The following COL4A4 variants were observed in gnomAD, a reference collection of about 807,000 sequenced individuals.
COL4A4 encodes the protein collagen alpha-4(IV) chain.
Under a neutral mutation model 192.9 loss-of-function variants are expected in COL4A4, and 105 were observed. The observed-to-expected ratio is 0.54, with a 90% confidence interval of 0.46 to 0.64. The LOEUF (loss-of-function observed/expected upper bound fraction) is 0.64. Among genes scored for constraint, COL4A4 ranks in the 30% least tolerant of loss-of-function variants. COL4A4 has a pLI of 0.00. For synonymous variants in COL4A4, 762 were observed against 769.9 expected (o/e 0.99, Z 0.17); for missense variants, 1,967 against 2,169.3 (o/e 0.91, Z 1.85).
chr2:227,016,077 C>T (rs996013801), intron 44 of COL4A4, among the ~76,000 whole-genome samples: 2 of 152,094 alleles, frequency 1.3e-5, no homozygotes, highest in Non-Finnish European at 2.9e-5. Context: ...CCACCCCACC[C>T]CTCACCCCAG....
chr2:227,013,872 C>G (rs1023952950), intron 44 of COL4A4, among the ~76,000 whole-genome samples: 9 of 152,206 alleles, frequency 5.9e-5, no homozygotes, highest in Non-Finnish European at 1.0e-4. Flanking sequence ...CTCCCTCCCC[C>G]ACCCTACTGA....
At chr2:227,146,031 G>A (rs1184765576) in intron 2 of COL4A4, among the ~76,000 whole-genome samples, 1 of 152,206 alleles carries the variant, frequency 6.6e-6, no homozygotes, top group Non-Finnish European at 1.5e-5. Context: ...AATAGGATAT[G>A]TTGCATTTTA....
rs985035441 is a variant in COL4A4 at position 227,030,585 on chromosome 2, A to T, written c.3831T>A (p.Pro1277=). Residue 1277 remains proline (P), a synonymous_variant, in exon 41 of 48, where the codon CCT becomes CCA. Coordinates refer to ENST00000396625, the MANE Select transcript of COL4A4 (RefSeq NM_000092.5). ...GGTCAACACTCCCAGGGAGGCCTGG[A>T]GGCCCAGGTGCTCCTGACCACAGAG... is the stretch of plus-strand genomic sequence containing the variant. The part of the protein sequence containing the change: ...GPDGPRGAPG[P]PGLPGSVDLL... The T allele has an allele frequency of 4.4e-6, 7 of 1,608,116 alleles. No homozygotes were observed. The highest frequency in any genetic ancestry group is 3.4e-5 in the Admixed American group (2 of 58,578).
At position 227,147,599 on chromosome 2, in the gene COL4A4, T is replaced by C. The variant is rs2063632112; in HGVS notation, c.-101-15A>G. The C allele has an allele frequency of 8.4e-6, 7 of 831,688 alleles. No individual in the cohort carries two copies. Among genetic ancestry groups the C allele is most frequent in the South Asian group, 6.7e-5 (5 of 74,802 alleles). 51.5% of individuals were successfully genotyped at this position (831,688 alleles called of 1,614,324 possible). A position where few individuals can be genotyped will look rare whatever the true frequency, so the allele number is the denominator to read the frequency against. ...AAAGTCTGTTCCTGTTAGATATAAA[T>C]ATATCACTTAAAACACAGCATGCAT... On this transcript the variant is annotated splice_polypyrimidine_tract_variant and intron_variant, in intron 1 of 47. Transcript: ENST00000396625.
chr2:227,016,469 A>T (rs1964884976), intron 44 of COL4A4, among the ~76,000 whole-genome samples: 1 of 152,200 alleles, frequency 6.6e-6, no homozygotes. Flanking sequence ...AACCCCAGTT[A>T]CAGTGGAACA....
At chr2:227,140,014 A>G (rs1004249207) in intron 4 of COL4A4, 147 bp downstream of exon 4, 12 of 713,766 alleles carry the variant, frequency 1.7e-5, no homozygotes, top group Non-Finnish European at 2.5e-5. Context: ...TGAGATTGCT[A>G]TTAGAATGTG....
At chr2:227,155,631 C>T (rs2064277433) in intron 1 of COL4A4, among the ~76,000 whole-genome samples, 1 of 152,202 alleles carries the variant, frequency 6.6e-6, no homozygotes, top group Non-Finnish European at 1.5e-5. Flanking sequence ...TGGGCGTGAA[C>T]TCCAGCGGTA....
At position 227,078,056 on chromosome 2, in the gene COL4A4, G is replaced by C. The variant is rs1263397268; in HGVS notation, c.1825C>G (p.Pro609Ala). The change falls in exon 25 of 48, where the codon CCA (proline) becomes GCA (alanine). Residue 609 changes from proline to alanine, a missense_variant. Pro to Ala is a conservative substitution (Grantham distance 27). Coordinates refer to ENST00000396625, the MANE Select transcript of COL4A4 (RefSeq NM_000092.5). The stretch of plus-strand genomic sequence containing the variant: ...GGTCCAGGAAATCCTTTACCACCTG[G>C]GGTCGCATCTTCATGATCCCCCTGG... ...GPPGDHEDATPGGKGFPGPLG... is the reference protein window; with the variant it reads ...GPPGDHEDATAGGKGFPGPLG... 6.2e-7 allele frequency: 1 copy of C among 1,613,904 alleles called. No individual in the cohort carries two copies. The highest frequency in any genetic ancestry group is 1.7e-5 in the Admixed American group (1 of 59,988).
At chr2:227,141,467 T>C (rs1006498886) in intron 3 of COL4A4, among the ~76,000 whole-genome samples, 2 of 152,218 alleles carry the variant, frequency 1.3e-5, no homozygotes, top group Non-Finnish European at 2.9e-5. Context: ...TATACATATA[T>C]ATGAACAGGT....
Position 227,033,423 on chromosome 2 carries a change from A to G in COL4A4, c.3564T>C (p.Thr1188=), listed in dbSNP as rs1968849120. 3 of 1,613,262 alleles carry G rather than the reference A, an allele frequency of 1.9e-6. No homozygotes were observed. The highest frequency in any genetic ancestry group is 2.5e-6 in the Non-Finnish European group (3 of 1,179,818). ...GLHGLKGQKG[T]KGASGLHDVG... ...TTAGGTGCTTACCTGAAGCACCTTTAGTTCCTTTCTGACCTTTCAATCCAT... is the reference window on the plus strand; with the variant it reads ...TTAGGTGCTTACCTGAAGCACCTTTGGTTCCTTTCTGACCTTTCAATCCAT... The change falls in exon 38 of 48, where the codon ACT becomes ACC. Residue 1188 remains threonine, a synonymous_variant. Coordinates refer to ENST00000396625, the MANE Select transcript of COL4A4 (RefSeq NM_000092.5).
chr2:227,058,963 G>A (rs1378333468), intron 28 of COL4A4, among the ~76,000 whole-genome samples: 3 of 152,082 alleles, frequency 2.0e-5, no homozygotes, highest in Non-Finnish European at 2.9e-5. Context: ...TCTCTTGTGC[G>A]AAGACAGCTT....
At chr2:227,078,713 G>A (rs958224715) in intron 24 of COL4A4, among the ~76,000 whole-genome samples, 1 of 152,190 alleles carries the variant, frequency 6.6e-6, no homozygotes, top group African/African-American at 2.4e-5. Context: ...GGGAGGTGGT[G>A]GGATTACAAA....
At chr2:227,025,705 C>T (rs548866501) in intron 43 of COL4A4, 97 bp downstream of exon 43, 2 of 1,125,762 alleles carry the variant, frequency 1.8e-6, no homozygotes, top group Admixed American at 4.1e-5. Context: ...AAAAATGTAA[C>T]AAAGTTTAGC....
At chr2:227,036,231 A>G (rs903180508) in intron 37 of COL4A4, among the ~76,000 whole-genome samples, 7 of 152,022 alleles carry the variant, frequency 4.6e-5, no homozygotes, top group African/African-American at 1.7e-4. Flanking sequence ...GTAACCTCCA[A>G]TCCAGCTGGA....
chr2:227,034,445 C>A (rs1378214460), intron 37 of COL4A4, among the ~76,000 whole-genome samples: 1 of 152,080 alleles, frequency 6.6e-6, no homozygotes, highest in Non-Finnish European at 1.5e-5. Context: ...AGTCCTGTCC[C>A]ACTGATGGCT....
intron 9 of COL4A4, 110 bp from the exon 10 acceptor site, chr2:227,109,396 C>G (rs1362815041): frequency 1.1e-5 from 10 of 912,492 alleles, no homozygotes; most frequent in Non-Finnish European, 1.8e-5. Flanking sequence ...AAATCACAGC[C>G]ACCAGCACAT....
chr2:227,045,312 C>T (rs1356383185), intron 35 of COL4A4, among the ~76,000 whole-genome samples: 1 of 152,132 alleles, frequency 6.6e-6, no homozygotes, highest in Non-Finnish European at 1.5e-5. Context: ...TCAGCTTACC[C>T]AAGACCACAG....
chr2:226,985,617 T>C, the COL4A4 span, among the ~76,000 whole-genome samples: 1 of 152,264 alleles, frequency 6.6e-6, no homozygotes, highest in Non-Finnish European at 1.5e-5. Context: ...CAAAGGCTGA[T>C]GTACATCGGA....
intron 14 of COL4A4, 52 bp from the exon 15 acceptor site, chr2:227,102,900 T>C (rs1373769894): frequency 1.0e-5 from 2 of 197,850 alleles, no homozygotes; most frequent in Non-Finnish European, 1.5e-5. Flanking sequence ...ATTTCAGCAA[T>C]AGGGAAAGCA....
Sources: gnomAD v4.1 joint callset for allele counts (sites outside exome capture counted in the v4.1 genomes callset) on GRCh38, gnomAD v4.1.1 for gene constraint, MANE v1.5 for transcripts, NCBI Gene and HGNC (gene_info 2026-07-23, HGNC 2026-07-21) for gene names.